Variants in ADGRD2 observed in about 807,000 individuals in gnomAD.
ADGRD2 encodes the protein G protein-coupled receptor PGR24.
A neutral mutation model predicts 44.4 loss-of-function variants in ADGRD2; 71 were observed. The ratio of observed to expected loss-of-function variants is 1.60; its 90% CI spans 1.32 to 1.95. The LOEUF (loss-of-function observed/expected upper bound fraction) is 1.95. Among genes scored for constraint, ADGRD2 ranks in the 30% most tolerant of loss-of-function variants. The probability of loss-of-function intolerance (pLI) is 0.00; values close to 1 mark genes in which losing one functional copy is unlikely to be tolerated. For missense variants in ADGRD2, 1,039 were observed against 512.4 expected, an observed-to-expected ratio of 2.03 and a Z score of -9.92; for synonymous variants, 481 against 224.8, an observed-to-expected ratio of 2.14 and a Z score of -10.19.
intron 16 of ADGRD2, 128 bp from the exon 20 acceptor site, chr9:124,470,366 C>T: frequency 1.7e-6 from 1 of 597,596 alleles, no homozygotes. Context: ...CTAAGTCCTG[C>T]TGAGCCATGG....
chr9:124,457,909 G>A (rs1053240896), intron 8 of ADGRD2, among the ~76,000 whole-genome samples: 1 of 152,218 alleles, frequency 6.6e-6, no homozygotes, highest in African/African-American at 2.4e-5. Context: ...GGGCCTTGGA[G>A]TTGTGAGGTT....
chr9:124,452,975 A>G lies in ADGRD2; in HGVS notation c.282-60A>G, dbSNP rs903507678. 8.2e-6 allele frequency: 5 copies of G among 608,028 alleles called. No individual in the cohort carries two copies. In the African/African-American group the frequency reaches 9.2e-5, roughly 11 times the overall value. 37.7% of individuals were successfully genotyped at this position (608,028 alleles called of 1,614,324 possible). ...GGACCCCACCGCTGAGCCAAAGGGC[A>G]GGGGCAGGACCATGTGCACAGGTGA... On this transcript the variant is annotated intron_variant, in intron 2 of 21. Transcript: ENST00000334810.
intron 14 of ADGRD2, 80 bp from the exon 18 acceptor site, chr9:124,469,142 C>A (rs139411207): frequency 3.1e-6 from 2 of 652,924 alleles, no homozygotes; most frequent in Non-Finnish European, 5.6e-6. Context: ...GGGACAGCTG[C>A]GGCTTGGGGG....
intron 10 of ADGRD2, among the ~76,000 whole-genome samples, chr9:124,464,169 C>T (rs573590339): frequency 5.3e-5 from 8 of 151,760 alleles, no homozygotes; most frequent in Admixed American, 2.0e-4. Context: ...TATTTATATA[C>T]TAATAATTTA....
rs1173231301 is a variant in ADGRD2 at position 124,470,598 on chromosome 9, G to A, written c.2744G>A (p.Gly915Asp). The A allele has an allele frequency of 2.8e-6, 2 of 707,394 alleles. 1 individual carries two copies. The highest frequency in any genetic ancestry group is 4.0e-5 in the Admixed American group (2 of 50,010). 43.8% of individuals were successfully genotyped at this position (707,394 alleles called of 1,614,324 possible). A position where few individuals can be genotyped will look rare whatever the true frequency, so the allele number is the denominator to read the frequency against. The stretch of plus-strand genomic sequence containing the variant: ...CCCGCCTGGGCCTACGCTGCCGTGG[G>A]CCTCAACTCCATCCAGGTACCTCCA... Residue 915 changes from glycine (G) to aspartate (D), a missense_variant, in exon 17 of 22, where the codon GGC becomes GAC. Gly to Asp is a moderately conservative substitution (Grantham distance 94). Coordinates refer to ENST00000334810, the Ensembl canonical transcript of ADGRD2.
At chr9:124,458,297 A>C in intron 9 of ADGRD2, 61 bp downstream of exon 12, 1 of 709,688 alleles carries the variant, frequency 1.4e-6, no homozygotes, top group Non-Finnish European at 2.6e-6. Context: ...GGAAGGCCAA[A>C]GCCCCCGTTC....
intron 9 of ADGRD2, 129 bp downstream of exon 12, chr9:124,458,365 C>T (rs1241293198): frequency 1.7e-6 from 1 of 600,096 alleles, no homozygotes; most frequent in Non-Finnish European, 3.0e-6. Context: ...CCCTGCCCAA[C>T]ACACACACAC....
rs990402238 is a variant in ADGRD2 at position 124,454,926 on chromosome 9, C to A, written c.1194C>A (p.Val398=). The change falls in exon 6 of 22, where the codon GTC becomes GTA. Residue 398 remains valine (V), a synonymous_variant. Transcript: ENST00000334810. The surrounding 1 kb of genome is among the most constrained non-coding windows in gnomAD (Gnocchi z 4.5). ...GCTTCCTGGGCCTTCTGGAGCATGT[C>A]CTGGCGATGGAGATGGCTCCCCTGG... 1.4e-6 allele frequency: 1 copy of A among 716,882 alleles called. No individual in the cohort carries two copies. The highest frequency in any genetic ancestry group is 2.0e-5 in the Admixed American group (1 of 50,024). The allele number at this position is 716,882 out of a possible 1,614,324, so 44.4% of individuals were successfully genotyped here.
At chr9:124,460,163 T>G (rs1328441317) in intron 10 of ADGRD2, among the ~76,000 whole-genome samples, 2 of 150,434 alleles carry the variant, frequency 1.3e-5, no homozygotes, top group African/African-American at 4.9e-5. Context: ...GGGCTGCGGG[T>G]GGATTGTTCA....
intron 17 of ADGRD2, among the ~76,000 whole-genome samples, chr9:124,473,654 G>A (rs991647683): frequency 7.9e-5 from 12 of 152,224 alleles, no homozygotes; most frequent in African/African-American, 2.9e-4. Context: ...AAAGAATTCT[G>A]TGACATTCTC....
chr9:124,452,117 C>T (rs1264190798), exon 1 of ADGRD2: 6 of 717,712 alleles, frequency 8.4e-6, no homozygotes, highest in Non-Finnish European at 1.6e-5. Flanking sequence ...GGACCCCCTC[C>T]AACTCCCCAG....
chr9:124,451,397 C>A, upstream of ADGRD2: 2 of 371,484 alleles, frequency 5.4e-6, no homozygotes, highest in Non-Finnish European at 1.1e-5. Context: ...TTCCCTGCTT[C>A]GGTCCTGAAG....
At chr9:124,472,464 TTTG>T (rs1314074414) in intron 17 of ADGRD2, among the ~76,000 whole-genome samples, 2 of 125,232 alleles carry the variant, frequency 1.6e-5, no homozygotes, top group African/African-American at 3.4e-5. Context: ...TTGTTTTTTG[TTTG>T]TTTTTTGTTT....
At chr9:124,474,276 C>CAAAAAA (rs397947760) in intron 17 of ADGRD2, among the ~76,000 whole-genome samples, 1 of 80,642 alleles carries the variant, frequency 1.2e-5, no homozygotes, top group Non-Finnish European at 2.4e-5. Context: ...AACTCTGTCT[C>CAAAAAA]AAAAAAAAAA....
In ADGRD2 at chr9:124,453,686, G is replaced by A. The variant is rs1564137320; in HGVS notation, c.923+10G>A. ...CGCCTTCTCTGTCCCGGTACGACCCGCCCCGCCCCGGCCCCACCCCATGGC... is the reference window on the plus strand; with the variant it reads ...CGCCTTCTCTGTCCCGGTACGACCCACCCCGCCCCGGCCCCACCCCATGGC... On this transcript the variant is annotated intron_variant, in intron 3 of 21. Transcript: ENST00000334810. 1.5e-6 allele frequency: 1 copy of A among 650,460 alleles called. No homozygotes were observed. Among genetic ancestry groups the A allele is most frequent in the Admixed American group, 2.3e-5 (1 of 44,286 alleles). The allele number at this position is 650,460 out of a possible 1,614,324, so 40.3% of individuals were successfully genotyped here. A position where few individuals can be genotyped will look rare whatever the true frequency, so the allele number is the denominator to read the frequency against.
chr9:124,476,019 G>T (rs1588611075), intron 19 of ADGRD2, among the ~76,000 whole-genome samples: 1 of 152,208 alleles, frequency 6.6e-6, no homozygotes, highest in African/African-American at 2.4e-5. Context: ...CCTGGCCCAC[G>T]CATGGGGCTT....
At chr9:124,452,816 G>C in intron 2 of ADGRD2, 94 bp downstream of exon 5, 1 of 645,496 alleles carries the variant, frequency 1.5e-6, no homozygotes, top group Non-Finnish European at 2.8e-6. Context: ...TGCAGAATGA[G>C]CCGGGAGTAA....
At chr9:124,474,041 C>T (rs572575256) in intron 17 of ADGRD2, among the ~76,000 whole-genome samples, 2 of 151,814 alleles carry the variant, frequency 1.3e-5, no homozygotes, top group African/African-American at 2.4e-5. Context: ...TTTGGGAGGC[C>T]GAGGCGGGTG....
In ADGRD2 at chr9:124,468,669, TGG is replaced by T; in HGVS notation, c.2387_2387+1del. 1.4e-6 allele frequency: 1 copy of T among 715,236 alleles called. No individual in the cohort carries two copies. 44.3% of individuals were successfully genotyped at this position (715,236 alleles called of 1,614,324 possible). A position where few individuals can be genotyped will look rare whatever the true frequency, so the allele number is the denominator to read the frequency against. On this transcript the variant is annotated frameshift_variant and splice_region_variant, in exon 14 of 22. Transcript: ENST00000334810. LOFTEE classifies it high-confidence loss of function. ...CATGCGGCTCTACCACGCCACAGGC[TGG>T]GGTGAGGCCTGCTCTGCACCCACAC... is the stretch of plus-strand genomic sequence containing the variant.
Sources: allele counts gnomAD v4.1 joint callset (sites outside exome capture counted in the v4.1 genomes callset), GRCh38; gene constraint gnomAD v4.1.1; non-coding constraint Gnocchi (gnomAD v3.1); transcripts MANE v1.5; gene names NCBI Gene and HGNC (gene_info 2026-07-23, HGNC 2026-07-21).